SEZ6L: variants seen among roughly 807,000 people sequenced by gnomAD.
SEZ6L encodes the protein seizure related 6 homolog like.
SEZ6L carries 37 observed loss-of-function variants against 106.2 expected under a neutral mutation model. The observed-to-expected ratio is 0.35, with a 90% confidence interval of 0.27 to 0.46. The LOEUF (loss-of-function observed/expected upper bound fraction) is 0.46, where lower values mean the gene tolerates loss of function less well. Ranked by LOEUF, SEZ6L falls within the 20% of genes least tolerant of loss-of-function variation. The pLI, the probability that SEZ6L is intolerant of heterozygous loss-of-function variation, is 1.00. For synonymous variants in SEZ6L, 541 were observed against 570.4 expected (o/e 0.95, Z 0.73); for missense variants, 1,172 against 1,332.8 (o/e 0.88, Z 1.88).
At chr22:26,316,714 C>A (rs2082006561) in intron 9 of SEZ6L, among the ~76,000 whole-genome samples, 1 of 151,928 alleles carries the variant, frequency 6.6e-6, no homozygotes, top group South Asian at 2.1e-4. Context: ...TGCCTGTAAT[C>A]TCAGCTATTT....
rs9620597 is a variant in SEZ6L, at chr22:26,252,123, G to A, written c.95-40283G>A. 3.9e-3 allele frequency among the ~76,000 whole-genome samples: 595 copies of A among 152,180 alleles called. 8 individuals carry two copies. The highest frequency in any genetic ancestry group is 0.014 in the African/African-American group (572 of 41,510). ...TGCAGACGCTTGGATCCCATCCCAG[G>A]CCTACCCAGTCAGAGTCTACATTTT... On this transcript the variant is annotated intron_variant, in intron 1 of 16. Coordinates refer to ENST00000248933, the MANE Select transcript of SEZ6L (RefSeq NM_021115.5).
intron 9 of SEZ6L, among the ~76,000 whole-genome samples, chr22:26,334,047 C>T (rs572139663): frequency 6.6e-6 from 1 of 152,132 alleles, no homozygotes; most frequent in Non-Finnish European, 1.5e-5. Flanking sequence ...AAAGATAGAC[C>T]TATAGAGCCT....
At chr22:26,251,276 A>C (rs1207186579) in intron 1 of SEZ6L, among the ~76,000 whole-genome samples, 1 of 150,210 alleles carries the variant, frequency 6.7e-6, no homozygotes, top group Non-Finnish European at 1.5e-5. Context: ...TAAGCTGTGG[A>C]TTTTCCATAT....
chr22:26,224,098 A>G (rs1011637721), intron 1 of SEZ6L, among the ~76,000 whole-genome samples: 2 of 152,226 alleles, frequency 1.3e-5, no homozygotes, highest in African/African-American at 4.8e-5. Flanking sequence ...TTAATACACA[A>G]TCCTGGAGCC....
rs1419902137 is a variant in SEZ6L at position 26,340,463 on chromosome 22, G to A, written c.2043G>A (p.Leu681=). The A allele has an allele frequency of 2.5e-6, 4 of 1,613,560 alleles. No individual in the cohort carries two copies. The highest frequency in any genetic ancestry group is 1.7e-5 in the Admixed American group (1 of 59,932). ...QFLNLSNSDI[L]TIYDGDEVMP... is the part of the protein sequence containing the mutation. ...TGAATCTGAGCAACAGTGACATCTT[G>A]ACCATCTACGATGGCGACGAGGTCA... Residue 681 remains leucine, a synonymous_variant, in exon 10 of 17, where the codon TTG becomes TTA. Coordinates refer to ENST00000248933, the MANE Select transcript of SEZ6L (RefSeq NM_021115.5).
At chr22:26,248,823 G>T (rs1386318047) in intron 1 of SEZ6L, among the ~76,000 whole-genome samples, 1 of 152,224 alleles carries the variant, frequency 6.6e-6, no homozygotes, top group Non-Finnish European at 1.5e-5. Flanking sequence ...ATTTCATGGG[G>T]TGGATCCTGC....
At chr22:26,232,169 T>A (rs909312205) in intron 1 of SEZ6L, among the ~76,000 whole-genome samples, 3 of 152,158 alleles carry the variant, frequency 2.0e-5, no homozygotes, top group Non-Finnish European at 4.4e-5. Flanking sequence ...TAGTGAGCAC[T>A]CATTCAATCA....
At chr22:26,243,910 C>G (rs997721503) in intron 1 of SEZ6L, among the ~76,000 whole-genome samples, 1 of 151,996 alleles carries the variant, frequency 6.6e-6, no homozygotes, top group Non-Finnish European at 1.5e-5. Context: ...CACCGGTAAT[C>G]CCAGCACTTT....
chr22:26,198,635 A>G (rs928370966), intron 1 of SEZ6L, among the ~76,000 whole-genome samples: 22 of 152,284 alleles, frequency 1.4e-4, no homozygotes, highest in African/African-American at 5.1e-4. Flanking sequence ...TGCTTCCGGG[A>G]TGGTGCCTGT....
At chr22:26,210,624 C>G (rs2078130296) in intron 1 of SEZ6L, among the ~76,000 whole-genome samples, 1 of 152,082 alleles carries the variant, frequency 6.6e-6, no homozygotes, top group Non-Finnish European at 1.5e-5. Flanking sequence ...CATTCATATA[C>G]CAGCCTGGCA....
At chr22:26,353,793 A>C (rs191986404) in intron 12 of SEZ6L, among the ~76,000 whole-genome samples, 25 of 151,924 alleles carry the variant, frequency 1.6e-4, no homozygotes, top group Admixed American at 1.4e-3. Context: ...TGACATCCTA[A>C]CCCATGGTAT....
intron 1 of SEZ6L, among the ~76,000 whole-genome samples, chr22:26,198,167 C>A (rs926142333): frequency 2.6e-5 from 4 of 152,188 alleles, no homozygotes; most frequent in African/African-American, 9.7e-5. Context: ...TTCCACTGGG[C>A]AAGTTATTTA....
chr22:26,320,629 G>T (rs779886033), intron 9 of SEZ6L, among the ~76,000 whole-genome samples: 2 of 152,200 alleles, frequency 1.3e-5, no homozygotes, highest in Non-Finnish European at 2.9e-5. Flanking sequence ...CCGCCCCCGG[G>T]GAGCCATGTT....
intron 1 of SEZ6L, among the ~76,000 whole-genome samples, chr22:26,266,934 G>A (rs1476604710): frequency 1.3e-5 from 2 of 152,156 alleles, no homozygotes; most frequent in African/African-American, 4.8e-5. Context: ...TTCTATCAAA[G>A]GGATGTAAAG....
chr22:26,209,662 T>G, intron 1 of SEZ6L, among the ~76,000 whole-genome samples: 1 of 132,900 alleles, frequency 7.5e-6, no homozygotes, highest in East Asian at 2.2e-4. Context: ...AAGATGGATA[T>G]ATGGATGGAG....
rs118092869 is a variant in SEZ6L at position 26,187,424 on chromosome 22, A to C, written c.94+17661A>C. On this transcript the variant is annotated intron_variant, in intron 1 of 16. Coordinates refer to ENST00000248933, the MANE Select transcript of SEZ6L (RefSeq NM_021115.5). ...ATGAGATTTGGGTGGGGAAAATTTC[A>C]TTCCACCAAGCCCACTGCTCCTGGT... is the stretch of plus-strand genomic sequence containing the variant. Among the ~76,000 whole-genome samples the C allele has an allele frequency of 7.9e-5, 12 of 152,324 alleles. No homozygotes were observed. In the East Asian group the frequency reaches 2.3e-3, roughly 29 times the overall value.
intron 1 of SEZ6L, among the ~76,000 whole-genome samples, chr22:26,258,854 G>A (rs2079909199): frequency 6.6e-6 from 1 of 152,192 alleles, no homozygotes; most frequent in East Asian, 1.9e-4. Context: ...TGTTCTGAGG[G>A]AGGAAATATG....
At chr22:26,195,537 A>G (rs1489479971) in intron 1 of SEZ6L, among the ~76,000 whole-genome samples, 4 of 152,200 alleles carry the variant, frequency 2.6e-5, no homozygotes, top group African/African-American at 9.7e-5. Flanking sequence ...AGCACTCAAT[A>G]TATTCTAGAT....
intron 1 of SEZ6L, among the ~76,000 whole-genome samples, chr22:26,232,481 A>G (rs191158808): frequency 1.3e-5 from 2 of 152,194 alleles, no homozygotes; most frequent in East Asian, 1.9e-4. Context: ...TACAAAATAC[A>G]GCCATGTGCC....
Sources: gnomAD v4.1 joint callset for allele counts (sites outside exome capture counted in the v4.1 genomes callset) on GRCh38, gnomAD v4.1.1 for gene constraint, MANE v1.5 for transcripts, NCBI Gene and HGNC (gene_info 2026-07-23, HGNC 2026-07-21) for gene names.